ADAMTS12: variants seen among roughly 807,000 people sequenced by gnomAD.
The protein encoded by ADAMTS12 is A disintegrin and metalloproteinase with thrombospondin motifs 12.
ADAMTS12 carries 118 observed loss-of-function variants against 167.8 expected under a neutral mutation model. The ratio of observed to expected loss-of-function variants is 0.70; its 90% CI spans 0.61 to 0.82. The LOEUF (loss-of-function observed/expected upper bound fraction) is 0.82, where lower values mean the gene tolerates loss of function less well. ADAMTS12 is among the 40% of genes least tolerant of loss of function. ADAMTS12 has a pLI of 0.00. For missense variants in ADAMTS12, 1,916 were observed against 1,998.8 expected (o/e 0.96, Z 0.79); for synonymous variants, 704 against 716.9 (o/e 0.98, Z 0.29).
intron 3 of ADAMTS12, among the ~76,000 whole-genome samples, chr5:33,737,032 T>C (rs1744398832): frequency 6.6e-6 from 1 of 152,204 alleles, no homozygotes; most frequent in African/African-American, 2.4e-5. Flanking sequence ...TGTGCACTTC[T>C]ACTTACTGAG....
intron 15 of ADAMTS12, 111 bp downstream of exon 15, chr5:33,615,717 A>G: frequency 7.0e-7 from 1 of 1,429,936 alleles, no homozygotes; most frequent in Non-Finnish European, 9.5e-7. Context: ...CTCCTTGCTA[A>G]AAGAGGTTTT....
At position 33,614,388 on chromosome 5, in the gene ADAMTS12, G is replaced by C; in HGVS notation, c.2389-12C>G. On this transcript the variant is annotated splice_polypyrimidine_tract_variant and intron_variant, in intron 15 of 23. Coordinates refer to ENST00000504830, the MANE Select transcript of ADAMTS12 (RefSeq NM_030955.4). The stretch of plus-strand genomic sequence containing the variant: ...ACCTGGAATAGAAGCTAAAAGGCAA[G>C]AGAGGGGTCATGTCAAACTGTCATG... 6.2e-7 allele frequency: 1 copy of C among 1,613,654 alleles called. No individual in the cohort carries two copies. The highest frequency in any genetic ancestry group is 8.5e-7 in the Non-Finnish European group (1 of 1,179,628).
At chr5:33,560,843 A>T (rs1310430276) in intron 20 of ADAMTS12, among the ~76,000 whole-genome samples, 184 bp downstream of exon 20, 1 of 149,308 alleles carries the variant, frequency 6.7e-6, no homozygotes, top group Admixed American at 6.7e-5. Flanking sequence ...TGGGTGCAGC[A>T]CACCAACATG....
intron 5 of ADAMTS12, among the ~76,000 whole-genome samples, chr5:33,662,585 A>G (rs1301884162): frequency 6.6e-6 from 1 of 152,192 alleles, no homozygotes; most frequent in Non-Finnish European, 1.5e-5. Flanking sequence ...AGTTAGGAGA[A>G]TTGGTCCTCT....
chr5:33,538,835 C>A (rs959705305), intron 22 of ADAMTS12, among the ~76,000 whole-genome samples: 6 of 152,176 alleles, frequency 3.9e-5, no homozygotes, highest in African/African-American at 9.7e-5. Flanking sequence ...TTCCCTGGCA[C>A]TGAATTTCCT....
chr5:33,600,446 AG>A (rs1738132738), intron 16 of ADAMTS12, among the ~76,000 whole-genome samples: 1 of 152,220 alleles, frequency 6.6e-6, no homozygotes, highest in African/African-American at 2.4e-5. Flanking sequence ...TGTAAAATCA[AG>A]GGAGTTTGTT....
chr5:33,678,759 G>C (rs1742008691), intron 5 of ADAMTS12, among the ~76,000 whole-genome samples: 1 of 152,162 alleles, frequency 6.6e-6, no homozygotes, highest in Non-Finnish European at 1.5e-5. Flanking sequence ...AAGGGTGGCA[G>C]GAGGGTGGAT....
At chr5:33,739,457 C>CTATGTG (rs78198880) in intron 3 of ADAMTS12, among the ~76,000 whole-genome samples, 2 of 152,118 alleles carry the variant, frequency 1.3e-5, no homozygotes, top group East Asian at 2.0e-4. Flanking sequence ...TCAGAAGAAA[C>CTATGTG]TATGTGTATG....
intron 2 of ADAMTS12, among the ~76,000 whole-genome samples, chr5:33,879,136 C>G (rs1301362810): frequency 6.6e-6 from 1 of 152,134 alleles, no homozygotes; most frequent in Non-Finnish European, 1.5e-5. Context: ...AGCCATTTAG[C>G]TGTAAACTTT....
At chr5:33,645,705 C>T (rs12152900) in intron 9 of ADAMTS12, among the ~76,000 whole-genome samples, 85,506 of 151,420 alleles carry the variant, frequency 0.56, 24,739 homozygotes, top group East Asian at 0.67. Flanking sequence ...TTTATACTAT[C>T]TCAAAATAAA....
chr5:33,635,402 T>A (rs561368151), intron 12 of ADAMTS12, among the ~76,000 whole-genome samples: 2 of 152,296 alleles, frequency 1.3e-5, no homozygotes, highest in African/African-American at 4.8e-5. Flanking sequence ...TTTTCGTGCT[T>A]AATGATGAGG....
chr5:33,808,621 G>T (rs1053722267), intron 2 of ADAMTS12, among the ~76,000 whole-genome samples: 4 of 152,146 alleles, frequency 2.6e-5, no homozygotes, highest in African/African-American at 9.7e-5. Flanking sequence ...AGATATCAGA[G>T]TGCATTGCAT....
At chr5:33,603,697 C>T (rs946997091) in intron 16 of ADAMTS12, 2 of 152,148 alleles carry the variant, frequency 1.3e-5, no homozygotes, top group Non-Finnish European at 2.9e-5. Context: ...AGACTATTGT[C>T]TTGCCAGTTT....
chr5:33,547,342 G>A (rs138338036), intron 21 of ADAMTS12, among the ~76,000 whole-genome samples: 58 of 152,160 alleles, frequency 3.8e-4, no homozygotes, highest in African/African-American at 1.2e-3. Context: ...GGCCATTCTC[G>A]GGGTGGGACC....
intron 2 of ADAMTS12, among the ~76,000 whole-genome samples, chr5:33,794,592 G>A (rs925265026): frequency 7.3e-6 from 1 of 137,176 alleles, no homozygotes; most frequent in South Asian, 2.1e-4. Flanking sequence ...TGCTGGCAAT[G>A]GAGACCGAGG....
intron 2 of ADAMTS12, among the ~76,000 whole-genome samples, chr5:33,816,660 G>T (rs996844678): frequency 6.6e-6 from 1 of 152,178 alleles, no homozygotes; most frequent in Admixed American, 6.5e-5. Context: ...TACAAAAAGT[G>T]AAGTATAGGC....
intron 3 of ADAMTS12, among the ~76,000 whole-genome samples, chr5:33,750,831 G>T (rs377613605): frequency 6.6e-6 from 1 of 152,196 alleles, no homozygotes; most frequent in Non-Finnish European, 1.5e-5. Context: ...GGCAGGGAAC[G>T]CAGCTCAGCA....
chr5:33,700,026 G>GA (rs1297691304), intron 3 of ADAMTS12, among the ~76,000 whole-genome samples: 3 of 152,012 alleles, frequency 2.0e-5, no homozygotes, highest in African/African-American at 7.2e-5. Context: ...ATGGCTAAAA[G>GA]AAAAAAATAG....
rs116497014 is a variant in ADAMTS12, at chr5:33,755,216, A to G, written c.490-3668T>C. On this transcript the variant is annotated intron_variant, in intron 2 of 23. Transcript: ENST00000504830. Reference sequence around the variant, plus strand: ...AAAAAGGCTACTAGTTCATTTCAAGAGTTAGGGGCTGACCAATAAAAAAGA... The same window carrying G: ...AAAAAGGCTACTAGTTCATTTCAAGGGTTAGGGGCTGACCAATAAAAAAGA... Among the ~76,000 whole-genome samples, 737 of 152,298 alleles carry G rather than the reference A, an allele frequency of 4.8e-3. 3 individuals are homozygous for G. Among genetic ancestry groups the G allele is most frequent in the African/African-American group, 0.017 (704 of 41,562 alleles).
Sources: allele counts gnomAD v4.1 joint callset (sites outside exome capture counted in the v4.1 genomes callset), GRCh38; gene constraint gnomAD v4.1.1; transcripts MANE v1.5; gene names NCBI Gene and HGNC (gene_info 2026-07-23, HGNC 2026-07-21).